ATP10A: variants seen among roughly 807,000 people sequenced by gnomAD.
The protein encoded by ATP10A is ATPase phospholipid transporting 10A (putative), also known as phospholipid-transporting ATPase VA.
ATP10A carries 111 observed loss-of-function variants against 147.8 expected under a neutral mutation model. That is an observed-to-expected ratio of 0.75 (90% confidence interval 0.64 to 0.88). The LOEUF is 0.88. Among genes scored for constraint, ATP10A ranks in the 40% least tolerant of loss-of-function variants. The pLI, the probability that ATP10A is intolerant of heterozygous loss-of-function variation, is 0.00. For synonymous variants in ATP10A, 875 were observed against 841.6 expected (o/e 1.04, Z -0.69); for missense variants, 1,927 against 1,959.0 (o/e 0.98, Z 0.31).
chr15:25,856,662 G>A (rs1328304116), intron 1 of ATP10A, among the ~76,000 whole-genome samples: 4 of 152,144 alleles, frequency 2.6e-5, no homozygotes, highest in African/African-American at 7.2e-5. Context: ...TATAGGCAAT[G>A]ATCATCAATG....
chr15:25,720,886 G>A (rs1246983323), intron 7 of ATP10A, among the ~76,000 whole-genome samples: 1 of 152,180 alleles, frequency 6.6e-6, no homozygotes, highest in Non-Finnish European at 1.5e-5. Context: ...AGTCATGCCC[G>A]CTTGCGTTCC....
chr15:25,736,524 T>G (rs930880932), intron 2 of ATP10A, among the ~76,000 whole-genome samples: 9 of 152,180 alleles, frequency 5.9e-5, no homozygotes, highest in Non-Finnish European at 1.0e-4. Context: ...AAATTCCACC[T>G]GGAAAACAGG....
chr15:25,857,098 T>C (rs1893551963), intron 1 of ATP10A, among the ~76,000 whole-genome samples: 1 of 152,138 alleles, frequency 6.6e-6, no homozygotes, highest in Non-Finnish European at 1.5e-5. Flanking sequence ...AAAGTACACA[T>C]CCCATTTATG....
intron 7 of ATP10A, among the ~76,000 whole-genome samples, chr15:25,720,676 A>AC (rs377275247): frequency 0.95 from 145,257 of 152,206 alleles, 69,672 homozygotes; most frequent in Middle Eastern, 1. Context: ...GAGTACTGTC[A>AC]TGATTATCTA....
At chr15:25,840,773 G>C (rs977459831) in intron 1 of ATP10A, among the ~76,000 whole-genome samples, 4 of 152,050 alleles carry the variant, frequency 2.6e-5, no homozygotes, top group Non-Finnish European at 5.9e-5. Context: ...CAGCAACGTA[G>C]GAGAGATCCC....
intron 1 of ATP10A, among the ~76,000 whole-genome samples, chr15:25,852,591 T>A (rs556416900): frequency 6.6e-6 from 1 of 152,074 alleles, no homozygotes; most frequent in East Asian, 1.9e-4. Flanking sequence ...AAACCTAAAA[T>A]CCAGACACTC....
chr15:25,792,291 T>A (rs1008217004), intron 1 of ATP10A, among the ~76,000 whole-genome samples: 1 of 152,208 alleles, frequency 6.6e-6, no homozygotes, highest in African/African-American at 2.4e-5. Context: ...GGAGTCTTCA[T>A]GCAAAGGTAC....
Position 25,721,846 on chromosome 15 carries a change from T to C in ATP10A, c.1174A>G (p.Ile392Val). Reference protein sequence around the residue: ...EIVKACQVYFINQDMQLYDEE... With the variant: ...EIVKACQVYFVNQDMQLYDEE... ...TCATACAACTGCATGTCCTGGTTAATGAAGTACACTTGGCATGCTTTAACA... is the reference window on the plus strand; with the variant it reads ...TCATACAACTGCATGTCCTGGTTAACGAAGTACACTTGGCATGCTTTAACA... The change falls in exon 7 of 21, where the codon ATT becomes GTT. Residue 392 changes from isoleucine (I) to valine (V), a missense_variant. Physicochemically the swap from Ile to Val is conservative, Grantham distance 29. Transcript: ENST00000555815. 1 of 1,614,190 alleles carries C rather than the reference T, an allele frequency of 6.2e-7. No individual in the cohort carries two copies. Among genetic ancestry groups the C allele is most frequent in the Middle Eastern group, 1.6e-4 (1 of 6,062 alleles).
At chr15:25,754,343 C>A (rs1888308811) in intron 2 of ATP10A, among the ~76,000 whole-genome samples, 1 of 152,086 alleles carries the variant, frequency 6.6e-6, no homozygotes, top group South Asian at 2.1e-4. Context: ...ACTGTGTTGG[C>A]CAGGATGGTC....
chr15:25,708,410 A>T (rs947549264), intron 10 of ATP10A, 110 bp from the exon 11 acceptor site: 2 of 859,070 alleles, frequency 2.3e-6, no homozygotes, highest in Non-Finnish European at 3.7e-6. Flanking sequence ...AATAGAGCAC[A>T]AATTTTCATA....
Position 25,723,939 on chromosome 15 carries a change from T to G in ATP10A, c.1062A>C (p.Pro354=), listed in dbSNP as rs772762374. Reference sequence around the variant, plus strand: ...AAAATGAGTAAACTGCAGCTGTGACTGGGGATAAGGAGCTTCCATCAGACT... The same window carrying G: ...AAAATGAGTAAACTGCAGCTGTGACGGGGGATAAGGAGCTTCCATCAGACT... ...VPKSDGSSLS[P]VTAAVYSFLT... is the part of the protein sequence containing the mutation. The change falls in exon 6 of 21, where the codon CCA becomes CCC. Residue 354 remains proline, a synonymous_variant. Transcript: ENST00000555815. The G allele has an allele frequency of 6.2e-7, 1 of 1,610,688 alleles. No homozygotes were observed. The highest frequency in any genetic ancestry group is 2.2e-5 in the East Asian group (1 of 44,762).
At chr15:25,740,399 G>C (rs1291165612) in intron 2 of ATP10A, among the ~76,000 whole-genome samples, 1 of 152,342 alleles carries the variant, frequency 6.6e-6, no homozygotes, top group Admixed American at 6.5e-5. Context: ...ATCTGTGAGT[G>C]AGGCCACCTG....
intron 2 of ATP10A, among the ~76,000 whole-genome samples, chr15:25,738,043 TC>T (rs1275581733): frequency 1.3e-5 from 2 of 152,206 alleles, no homozygotes; most frequent in Non-Finnish European, 2.9e-5. Context: ...ACAGAGACCA[TC>T]TTTGAGTTTC....
intron 1 of ATP10A, among the ~76,000 whole-genome samples, chr15:25,814,416 C>G (rs1351255448): frequency 6.6e-6 from 1 of 152,218 alleles, no homozygotes; most frequent in Non-Finnish European, 1.5e-5. Flanking sequence ...TGATGCCAGA[C>G]AAAATCTGCG....
intron 3 of ATP10A, among the ~76,000 whole-genome samples, chr15:25,729,619 C>T (rs1370619837): frequency 6.6e-6 from 1 of 152,118 alleles, no homozygotes; most frequent in Non-Finnish European, 1.5e-5. Flanking sequence ...ACCCTGCAGC[C>T]CCTGCTTGGC....
rs188128661 is a variant in ATP10A, at chr15:25,845,496, C to T, written c.449+17152G>A. Among the ~76,000 whole-genome samples, 452 of 152,196 alleles carry T rather than the reference C, an allele frequency of 3.0e-3. 1 individual carries two copies. The highest frequency in any genetic ancestry group is 0.01 in the African/African-American group (434 of 41,536). ...ATGTCCCTGTTACCAGAGAGCAGGG[C>T]CTTACAAGAAGTGTCAAGGTTGAGA... On this transcript the variant is annotated intron_variant, in intron 1 of 20. Coordinates refer to ENST00000555815, the MANE Select transcript of ATP10A (RefSeq NM_024490.4).
At chr15:25,680,587 G>C (rs1488821377) in intron 19 of ATP10A, among the ~76,000 whole-genome samples, 12 of 152,154 alleles carry the variant, frequency 7.9e-5, no homozygotes, top group Non-Finnish European at 5.9e-5. Context: ...AAAGAGGCGG[G>C]AGGGAGATGA....
intron 1 of ATP10A, among the ~76,000 whole-genome samples, chr15:25,797,492 C>A (rs995933333): frequency 6.1e-5 from 9 of 148,736 alleles, no homozygotes; most frequent in African/African-American, 1.7e-4. Context: ...GAACTCAATT[C>A]TTCCTGACTT....
chr15:25,814,749 C>T (rs887843873), intron 1 of ATP10A, among the ~76,000 whole-genome samples: 1 of 152,122 alleles, frequency 6.6e-6, no homozygotes, highest in African/African-American at 2.4e-5. Context: ...GCCCTTGGAA[C>T]CGTTCTGTCT....
Sources: gnomAD v4.1 joint callset for allele counts (sites outside exome capture counted in the v4.1 genomes callset) on GRCh38, gnomAD v4.1.1 for gene constraint, MANE v1.5 for transcripts, NCBI Gene and HGNC (gene_info 2026-07-23, HGNC 2026-07-21) for gene names.